FSIP2: variants seen among roughly 807,000 people sequenced by gnomAD.
FSIP2 encodes the protein fibrous sheath-interacting protein 2.
Under a neutral mutation model 510.5 loss-of-function variants are expected in FSIP2, and 367 were observed. That is an observed-to-expected ratio of 0.72 (90% CI 0.66 to 0.78). The LOEUF (loss-of-function observed/expected upper bound fraction) is 0.78, where lower values mean the gene tolerates loss of function less well. Ranked by LOEUF, FSIP2 falls within the 30% of genes least tolerant of loss-of-function variation. FSIP2 has a pLI of 0.00. For missense variants in FSIP2, 7,594 were observed against 7,901.7 expected, an observed-to-expected ratio of 0.96 and a Z score of 1.48; for synonymous variants, 2,601 against 2,732.2, an observed-to-expected ratio of 0.95 and a Z score of 1.50.
chr2:185,819,511 T>C (rs1693877554), intron 19 of FSIP2, among the ~76,000 whole-genome samples: 1 of 151,840 alleles, frequency 6.6e-6, no homozygotes, highest in Admixed American at 6.6e-5. Flanking sequence ...ATATACCCCA[T>C]GTAAACAGAA....
chr2:185,745,317 A>T, intron 4 of FSIP2, 112 bp from the exon 5 acceptor site: 1 of 595,884 alleles, frequency 1.7e-6, no homozygotes, highest in Non-Finnish European at 2.6e-6. Flanking sequence ...AAATAGATGT[A>T]AATGCAATTA....
Position 185,803,196 on chromosome 2 carries a change from T to G in FSIP2, c.13890T>G (p.Val4630=), listed in dbSNP as rs140730936. The G allele has an allele frequency of 8.6e-4, 1,320 of 1,532,466 alleles. 4 individuals are homozygous for G. In the African/African-American group the frequency reaches 0.013, roughly 15 times the overall value. The allele number at this position is 1,532,466 out of a possible 1,614,324, so 94.9% of individuals were successfully genotyped here. A position where few individuals can be genotyped will look rare whatever the true frequency, so the allele number is the denominator to read the frequency against. Residue 4630 remains valine, a synonymous_variant, in exon 17 of 23, where the codon GTT becomes GTG. Transcript: ENST00000424728. Reference sequence around the variant, plus strand: ...TCTTGGAAGATGTAATCTCTGGGGTTTTAAGAAAAATATTCCACAGGGTAG... The same window carrying G: ...TCTTGGAAGATGTAATCTCTGGGGTGTTAAGAAAAATATTCCACAGGGTAG... ...STFLEDVISG[V]LRKIFHRVVG...
intron 9 of FSIP2, among the ~76,000 whole-genome samples, chr2:185,758,483 A>G (rs1022842535): frequency 2.0e-5 from 3 of 151,402 alleles, no homozygotes; most frequent in African/African-American, 7.3e-5. Context: ...ACAATAAAGT[A>G]AACTATAGAA....
chr2:185,739,948 G>A (rs960124520), intron 2 of FSIP2, among the ~76,000 whole-genome samples: 5 of 151,990 alleles, frequency 3.3e-5, no homozygotes, highest in African/African-American at 9.7e-5. Flanking sequence ...GAAACAGTGG[G>A]ACTTAAAATG....
intron 5 of FSIP2, among the ~76,000 whole-genome samples, chr2:185,745,947 T>A (rs1692020793): frequency 1.3e-5 from 2 of 152,172 alleles, no homozygotes; most frequent in Admixed American, 6.5e-5. Context: ...TTGGAATAAC[T>A]GATGCCAATA....
chr2:185,804,829 G>T lies in FSIP2; in HGVS notation c.15523G>T (p.Ala5175Ser). 6.5e-7 allele frequency: 1 copy of T among 1,532,304 alleles called. No individual in the cohort carries two copies. The highest frequency in any genetic ancestry group is 2.5e-5 in the East Asian group (1 of 40,816). 94.9% of individuals were successfully genotyped at this position (1,532,304 alleles called of 1,614,324 possible). A position where few individuals can be genotyped will look rare whatever the true frequency, so the allele number is the denominator to read the frequency against. ...TGAACATGAGATTCGACTTTCCATG[G>T]CAGAGGATAATGCAGAAAGTATGCA... ...ISEHEIRLSM[A>S]EDNAESMQLE... Residue 5175 changes from alanine to serine, a missense_variant, in exon 17 of 23, where the codon GCA becomes TCA. Transcript: ENST00000424728.
chr2:185,804,421 C>G lies in FSIP2; in HGVS notation c.15115C>G (p.Leu5039Val). Residue 5039 changes from leucine to valine, a missense_variant, in exon 17 of 23, where the codon CTG becomes GTG. By Grantham distance (32) the Leu-to-Val change is conservative. Coordinates refer to ENST00000424728, the MANE Select transcript of FSIP2 (RefSeq NM_173651.4). ...YGKVLDQYKSLIQIHRVIQSD... is the reference protein window; with the variant it reads ...YGKVLDQYKSVIQIHRVIQSD... ...AAAAGTATTAGATCAATATAAATCT[C>G]TGATTCAAATACATAGGGTTATACA... The G allele has an allele frequency of 3.3e-6, 5 of 1,507,766 alleles. No individual in the cohort carries two copies. The highest frequency in any genetic ancestry group is 2.5e-5 in the East Asian group (1 of 40,628). The allele number at this position is 1,507,766 out of a possible 1,614,324, so 93.4% of individuals were successfully genotyped here.
At position 185,808,483 on chromosome 2, in the gene FSIP2, A is replaced by T. The variant is rs376619339; in HGVS notation, c.19177A>T (p.Ile6393Phe). The change falls in exon 17 of 23, where the codon ATT becomes TTT. Residue 6393 changes from isoleucine to phenylalanine, a missense_variant. Transcript: ENST00000424728. The stretch of plus-strand genomic sequence containing the variant: ...ACTGTCAAAATTGGTAACAGCTGAA[A>T]TTTCCAGAAGTAGCATTAGTCTAAT... ...SQLSKLVTAE[I>F]SRSSISLIAS... The T allele has an allele frequency of 2.9e-5, 47 of 1,608,028 alleles. No homozygotes were observed. The highest frequency in any genetic ancestry group is 3.5e-5 in the Non-Finnish European group (41 of 1,178,018).
chr2:185,811,097 G>A (rs958215360), intron 17 of FSIP2, among the ~76,000 whole-genome samples: 8 of 151,970 alleles, frequency 5.3e-5, no homozygotes, highest in African/African-American at 1.9e-4. Flanking sequence ...GCTTCTAACA[G>A]CCTATTCTCA....
intron 7 of FSIP2, among the ~76,000 whole-genome samples, chr2:185,753,078 G>A (rs1692179968): frequency 6.6e-6 from 1 of 151,282 alleles, no homozygotes; most frequent in Non-Finnish European, 1.5e-5. Context: ...AATGCCCTAT[G>A]ACTCATGAGG....
rs1429849790 is a variant in FSIP2 at position 185,800,732 on chromosome 2, T to G, written c.11426T>G (p.Met3809Arg). Reference sequence around the variant, plus strand: ...AAATCTGATTATCGTAAGGGAGGAATGGACTGTGAATGCCTTCAAGTAGAT... The same window carrying G: ...AAATCTGATTATCGTAAGGGAGGAAGGGACTGTGAATGCCTTCAAGTAGAT... The part of the protein sequence containing the change: ...DGKSDYRKGG[M>R]DCECLQVDYM... The change falls in exon 17 of 23, where the codon ATG becomes AGG. Residue 3809 changes from methionine (M) to arginine (R), a missense_variant. By Grantham distance (91) the Met-to-Arg change is moderately conservative. Transcript: ENST00000424728. The G allele has an allele frequency of 6.5e-7, 1 of 1,533,628 alleles. No individual in the cohort carries two copies. Among genetic ancestry groups the G allele is most frequent in the Non-Finnish European group, 8.7e-7 (1 of 1,145,434 alleles).
Position 185,804,003 on chromosome 2 carries a change from A to G in FSIP2, c.14697A>G (p.Ile4899Met). 6.7e-7 allele frequency: 1 copy of G among 1,497,150 alleles called. No individual in the cohort carries two copies. Among genetic ancestry groups the G allele is most frequent in the Non-Finnish European group, 8.9e-7 (1 of 1,127,402 alleles). 92.7% of individuals were successfully genotyped at this position (1,497,150 alleles called of 1,614,324 possible). ...CTGTTTCAAAAATAGCGAGTTTTAT[A>G]ATAAAAGAAATCTTTAACCATCATA... Reference protein sequence around the residue: ...DIPVSKIASFIIKEIFNHHIQ... With the variant: ...DIPVSKIASFMIKEIFNHHIQ... Residue 4899 changes from isoleucine to methionine, a missense_variant, in exon 17 of 23, where the codon ATA (isoleucine) becomes ATG (methionine). Transcript: ENST00000424728.
At chr2:185,810,263 G>A (rs1693697356) in intron 17 of FSIP2, among the ~76,000 whole-genome samples, 1 of 152,054 alleles carries the variant, frequency 6.6e-6, no homozygotes, top group Non-Finnish European at 1.5e-5. Flanking sequence ...GTGGATCCTG[G>A]TGGAAGGTGT....
At chr2:185,788,582 C>T in intron 15 of FSIP2, 61 bp from the exon 16 acceptor site, 1 of 1,216,468 alleles carries the variant, frequency 8.2e-7, no homozygotes. Flanking sequence ...CCTTCTGTCT[C>T]CAAAACATAG....
intron 13 of FSIP2, among the ~76,000 whole-genome samples, chr2:185,778,331 T>G (rs1025496270): frequency 3.9e-5 from 6 of 152,008 alleles, no homozygotes; most frequent in African/African-American, 1.4e-4. Flanking sequence ...CATATGATGA[T>G]TGTTATGGGA....
chr2:185,759,762 T>G (rs1692314580), intron 9 of FSIP2, among the ~76,000 whole-genome samples: 1 of 150,054 alleles, frequency 6.7e-6, no homozygotes, highest in Admixed American at 6.7e-5. Flanking sequence ...GCCTTGTATA[T>G]TTTGTATAAA....
chr2:185,751,017 G>A (rs1207568280), intron 7 of FSIP2, among the ~76,000 whole-genome samples: 1 of 150,976 alleles, frequency 6.6e-6, no homozygotes, highest in African/African-American at 2.4e-5. Flanking sequence ...GGTCATTTTG[G>A]GTAAATTACG....
At chr2:185,810,773 A>G (rs1693712563) in intron 17 of FSIP2, among the ~76,000 whole-genome samples, 1 of 151,922 alleles carries the variant, frequency 6.6e-6, no homozygotes, top group South Asian at 2.1e-4. Flanking sequence ...TCAGAAGAAG[A>G]TAGGAAGATT....
chr2:185,823,079 C>G (rs1693953043), intron 19 of FSIP2, among the ~76,000 whole-genome samples: 1 of 151,726 alleles, frequency 6.6e-6, no homozygotes, highest in Admixed American at 6.6e-5. Flanking sequence ...AGTCAGAGAT[C>G]TAAACATAAG....
Sources: gnomAD v4.1 joint callset for allele counts (sites outside exome capture counted in the v4.1 genomes callset) on GRCh38, gnomAD v4.1.1 for gene constraint, MANE v1.5 for transcripts, NCBI Gene and HGNC (gene_info 2026-07-23, HGNC 2026-07-21) for gene names.